Variants in MOV10L1 observed in about 807,000 individuals in gnomAD.
MOV10L1 encodes the protein Mov10 like RNA helicase 1, also known as RNA helicase Mov10l1.
A neutral mutation model predicts 143.8 loss-of-function variants in MOV10L1; 110 were observed. The observed-to-expected ratio is 0.76, with a 90% CI of 0.66 to 0.90. The LOEUF (loss-of-function observed/expected upper bound fraction) is 0.90, where lower values mean the gene tolerates loss of function less well. Among genes scored for constraint, MOV10L1 ranks in the 40% least tolerant of loss-of-function variants. The probability of loss-of-function intolerance (pLI) is 0.00; values close to 1 mark genes in which losing one functional copy is unlikely to be tolerated. For synonymous variants in MOV10L1, 593 were observed against 581.1 expected (o/e 1.02, Z -0.29); for missense variants, 1,406 against 1,526.8 (o/e 0.92, Z 1.32).
intron 2 of MOV10L1, chr22:50,095,954 T>C (rs1428992661): frequency 1.3e-5 from 2 of 152,242 alleles, no homozygotes; most frequent in Admixed American, 1.3e-4. Flanking sequence ...GTTTCTGTGT[T>C]GTGAGCCGTT....
chr22:50,112,054 G>A (rs2062040378), intron 5 of MOV10L1, among the ~76,000 whole-genome samples: 1 of 152,200 alleles, frequency 6.6e-6, no homozygotes, highest in Non-Finnish European at 1.5e-5. Context: ...GGGTGGACTT[G>A]GGGCTGTGGG....
At chr22:50,135,750 C>G (rs1024259981) in intron 15 of MOV10L1, among the ~76,000 whole-genome samples, 2 of 56,554 alleles carry the variant, frequency 3.5e-5, no homozygotes, top group African/African-American at 1.4e-4. Flanking sequence ...GACTCCATCT[C>G]AAAAAAAAAA....
intron 5 of MOV10L1, 80 bp downstream of exon 5, chr22:50,108,924 C>A (rs2061947081): frequency 2.1e-6 from 3 of 1,402,704 alleles, no homozygotes; most frequent in Non-Finnish European, 2.0e-6. Context: ...GCAGACGGAT[C>A]ACCTGAGGTT....
At chr22:50,139,758 A>G (rs2062929636) in intron 15 of MOV10L1, among the ~76,000 whole-genome samples, 1 of 152,234 alleles carries the variant, frequency 6.6e-6, no homozygotes, top group East Asian at 1.9e-4. Flanking sequence ...AAACACATGA[A>G]AGATGTTCAA....
intron 1 of MOV10L1, 159 bp downstream of exon 1, chr22:50,090,344 G>A: frequency 6.6e-7 from 1 of 1,505,734 alleles, no homozygotes; most frequent in Non-Finnish European, 8.9e-7. Flanking sequence ...GTTCGCCTCA[G>A]GAGGCTTCCG....
At chr22:50,100,844 C>T (rs1266072534) in intron 3 of MOV10L1, among the ~76,000 whole-genome samples, 1 of 152,160 alleles carries the variant, frequency 6.6e-6, no homozygotes, top group African/African-American at 2.4e-5. Flanking sequence ...TTTGGCTGAT[C>T]AAAGGATTTG....
At position 50,159,770 on chromosome 22, in the gene MOV10L1, C is replaced by T. The variant is rs1409267791; in HGVS notation, c.3309C>T (p.Val1103=). Residue 1103 remains valine, a synonymous_variant, in exon 24 of 27, where the codon GTC becomes GTT. Transcript: ENST00000262794. This position sits in a 1 kb window ranked among gnomAD's most constrained non-coding sequence, Gnocchi z 4.1. ...VEEFQGQEYL[V]IIISTVRSNE... ...AGTTTCAAGGACAAGAGTATCTGGT[C>T]ATCATCATTTCGACCGTAGGTATCC... is the stretch of plus-strand genomic sequence containing the variant. The T allele has an allele frequency of 6.2e-7, 1 of 1,610,156 alleles. No homozygotes were observed. The highest frequency in any genetic ancestry group is 2.2e-5 in the East Asian group (1 of 44,812).
intron 15 of MOV10L1, 60 bp downstream of exon 15, chr22:50,134,690 T>C: frequency 6.8e-7 from 1 of 1,461,380 alleles, no homozygotes; most frequent in South Asian, 1.1e-5. Context: ...GTGGCTGTCT[T>C]TACATAGGGG....
intron 18 of MOV10L1, among the ~76,000 whole-genome samples, chr22:50,144,806 C>A (rs1278994050): frequency 6.6e-6 from 1 of 152,090 alleles, no homozygotes; most frequent in Admixed American, 6.5e-5. Flanking sequence ...TGGTCTCGAT[C>A]TCCTGACCTC....
intron 2 of MOV10L1, 123 bp from the exon 3 acceptor site, chr22:50,099,320 A>C: frequency 6.8e-6 from 8 of 1,178,316 alleles, no homozygotes; most frequent in Non-Finnish European, 8.3e-6. Flanking sequence ...CCAGACCCGG[A>C]ATCTGCCAGG....
chr22:50,090,467 C>G (rs777252001), intron 1 of MOV10L1: 3 of 1,608,864 alleles, frequency 1.9e-6, no homozygotes. Context: ...GCTGCCAAGT[C>G]GTCTCTCCAT....
At position 50,113,654 on chromosome 22, in the gene MOV10L1, C is replaced by T. The variant is rs768983260; in HGVS notation, c.750C>T (p.Ala250=). 54 of 1,612,840 alleles carry T rather than the reference C, an allele frequency of 3.3e-5. 1 individual carries two copies. The highest frequency in any genetic ancestry group is 4.4e-5 in the South Asian group (4 of 90,910). Residue 250 remains alanine, a synonymous_variant, in exon 6 of 27, where the codon GCC becomes GCT. Coordinates refer to ENST00000262794, the MANE Select transcript of MOV10L1 (RefSeq NM_018995.3). ...TCTGGGGCTCTTTTTTCAGAGACGC[C>T]GCCCCTGTTCATGAGGCCACTCATT... ...LCMTLVKRRD[A]APVHEATHFY...
Position 50,139,892 on chromosome 22 carries a change from G to A in MOV10L1, c.2071-2189G>A, listed in dbSNP as rs1277591020. Among the ~76,000 whole-genome samples the A allele has an allele frequency of 3.9e-5, 6 of 152,180 alleles. No individual in the cohort carries two copies. The South Asian group carries it at 6.2e-4, about 16-fold the overall frequency. Reference sequence around the variant, plus strand: ...GGTGAGCCCGTGGGGCCGCTGGCACGTACCCTGCTGTGGGAATGGGGAGTG... The same window carrying A: ...GGTGAGCCCGTGGGGCCGCTGGCACATACCCTGCTGTGGGAATGGGGAGTG... On this transcript the variant is annotated intron_variant, in intron 15 of 26. Coordinates refer to ENST00000262794, the MANE Select transcript of MOV10L1 (RefSeq NM_018995.3).
chr22:50,128,368 T>G (rs1310287022), intron 12 of MOV10L1, 48 bp from the exon 13 acceptor site: 5 of 1,054,812 alleles, frequency 4.7e-6, no homozygotes, highest in Admixed American at 2.1e-5. Context: ...TAGATAAAGA[T>G]ATCACATTAT....
chr22:50,152,312 C>T lies in MOV10L1; in HGVS notation c.2893-733C>T, dbSNP rs1475490275. 6.6e-6 allele frequency among the ~76,000 whole-genome samples: 1 copy of T among 152,214 alleles called. No individual in the cohort carries two copies. Among genetic ancestry groups the T allele is most frequent in the Non-Finnish European group, 1.5e-5 (1 of 68,030 alleles). ...AGAGGACGGCTCCCCGCGGCACAGACGCAGCGAGTCCTCATGCCAATACAT... is the reference window on the plus strand; with the variant it reads ...AGAGGACGGCTCCCCGCGGCACAGATGCAGCGAGTCCTCATGCCAATACAT... On this transcript the variant is annotated intron_variant, in intron 21 of 26. Transcript: ENST00000262794. This position sits in a 1 kb window ranked among gnomAD's most constrained non-coding sequence, Gnocchi z 4.4.
chr22:50,100,616 C>T (rs1361166858), intron 3 of MOV10L1, among the ~76,000 whole-genome samples: 2 of 151,684 alleles, frequency 1.3e-5, no homozygotes, highest in South Asian at 2.1e-4. Flanking sequence ...TGGGTTCAGG[C>T]GATTCTCCTG....
At chr22:50,112,860 C>T (rs530225557) in intron 5 of MOV10L1, among the ~76,000 whole-genome samples, 5 of 152,356 alleles carry the variant, frequency 3.3e-5, no homozygotes, top group South Asian at 2.1e-4. Context: ...CCATCAGCAA[C>T]GCTGTGGACT....
chr22:50,092,086 C>T lies in MOV10L1; in HGVS notation c.183C>T (p.Ser61=), dbSNP rs371597847. Residue 61 remains serine (S), a synonymous_variant, in exon 2 of 27, where the codon TCC becomes TCT. Transcript: ENST00000262794. The part of the protein sequence containing the change: ...YGMIDDMIYF[S]SDAVTSRVLL... Reference sequence around the variant, plus strand: ...TGATTGATGATATGATCTACTTCTCCAGTGATGCTGTGACTAGCAGAGTGC... The same window carrying T: ...TGATTGATGATATGATCTACTTCTCTAGTGATGCTGTGACTAGCAGAGTGC... The T allele has an allele frequency of 1.1e-5, 17 of 1,614,114 alleles. No homozygotes were observed. The African/African-American group carries it at 2.1e-4, about 20-fold the overall frequency.
In MOV10L1 at chr22:50,152,965, T is replaced by C. The variant is rs191696484; in HGVS notation, c.2893-80T>C. The C allele has an allele frequency of 1.3e-5, 18 of 1,417,802 alleles. 1 individual carries two copies. The East Asian group carries it at 3.5e-4, about 27-fold the overall frequency. 87.8% of individuals were successfully genotyped at this position (1,417,802 alleles called of 1,614,324 possible). On this transcript the variant is annotated intron_variant, in intron 21 of 26. Transcript: ENST00000262794. The surrounding 1 kb of genome is among the most constrained non-coding windows in gnomAD (Gnocchi z 4.4). Reference sequence around the variant, plus strand: ...GAAGTCAGGCAGGCCTCACGTTTGCTGTGCAGAGCCGCTTTTCGTTCGACA... The same window carrying C: ...GAAGTCAGGCAGGCCTCACGTTTGCCGTGCAGAGCCGCTTTTCGTTCGACA...
Sources: gnomAD v4.1 joint callset for allele counts (sites outside exome capture counted in the v4.1 genomes callset) on GRCh38, gnomAD v4.1.1 for gene constraint, Gnocchi (gnomAD v3.1) non-coding constraint, MANE v1.5 for transcripts, NCBI Gene and HGNC (gene_info 2026-07-23, HGNC 2026-07-21) for gene names.